COL23A1: variants seen among roughly 807,000 people sequenced by gnomAD.
COL23A1 encodes the protein collagen type XXIII alpha 1 chain, also known as collagen alpha-1(XXIII) chain.
In COL23A1, 97 loss-of-function variants were observed where a neutral mutation model predicts 99.3. That is an observed-to-expected ratio of 0.98 (90% confidence interval 0.83 to 1.16). The LOEUF is 1.16. Ranked by LOEUF, COL23A1 falls within the 50% of genes most tolerant of loss-of-function variation. The pLI is 0.00. For synonymous variants in COL23A1, 320 were observed against 308.2 expected, an observed-to-expected ratio of 1.04 and a Z score of -0.40; for missense variants, 762 against 757.4, an observed-to-expected ratio of 1.01 and a Z score of -0.07.
chr5:178,385,115 T>A (rs1272607179), intron 2 of COL23A1, among the ~76,000 whole-genome samples: 1 of 152,116 alleles, frequency 6.6e-6, no homozygotes, highest in Non-Finnish European at 1.5e-5. Context: ...GGTGGGGTTA[T>A]CACCCACAGC....
At chr5:178,523,478 GCACAAGTTCTGAGCAATCTA>G (rs1760134933) in intron 2 of COL23A1, 1 of 148,812 alleles carries the variant, frequency 6.7e-6, no homozygotes, top group African/African-American at 2.5e-5. Context: ...TCTATGATGT[GCACAAGTTCTGAGCAATCTA>G]CACGGCCTGG....
intron 2 of COL23A1, among the ~76,000 whole-genome samples, chr5:178,501,921 C>T (rs1353887761): frequency 2.0e-5 from 3 of 152,220 alleles, no homozygotes; most frequent in Non-Finnish European, 4.4e-5. Flanking sequence ...GCGGCACCCA[C>T]CCTTCCCCTA....
At chr5:178,289,150 G>T (rs1458885047) in intron 4 of COL23A1, among the ~76,000 whole-genome samples, 1 of 151,942 alleles carries the variant, frequency 6.6e-6, no homozygotes, top group African/African-American at 2.4e-5. Context: ...TGCATGCACC[G>T]AGAAGCCCAG....
chr5:178,474,196 T>C (rs1351218702), intron 2 of COL23A1, among the ~76,000 whole-genome samples: 1 of 152,228 alleles, frequency 6.6e-6, no homozygotes, highest in African/African-American at 2.4e-5. Flanking sequence ...TCCTTGGCTT[T>C]CATCAGACTC....
At chr5:178,464,111 G>A (rs552797453) in intron 2 of COL23A1, among the ~76,000 whole-genome samples, 97 of 152,266 alleles carry the variant, frequency 6.4e-4, no homozygotes, top group African/African-American at 2.1e-3. Flanking sequence ...ACAGCTCAGC[G>A]GCATTAAGTG....
At chr5:178,269,057 CG>C (rs1756073868) in intron 6 of COL23A1, among the ~76,000 whole-genome samples, 1 of 152,138 alleles carries the variant, frequency 6.6e-6, no homozygotes, top group Admixed American at 6.5e-5. Context: ...AGAGCACACA[CG>C]GTCAGTTCCC....
chr5:178,489,524 C>A (rs1369252349), intron 2 of COL23A1, among the ~76,000 whole-genome samples: 5 of 152,056 alleles, frequency 3.3e-5, no homozygotes, highest in Non-Finnish European at 7.4e-5. Context: ...CACATGTATC[C>A]TGTTGGCTCA....
At chr5:178,501,712 C>A (rs945957672) in intron 2 of COL23A1, among the ~76,000 whole-genome samples, 3 of 152,244 alleles carry the variant, frequency 2.0e-5, no homozygotes, top group Admixed American at 6.5e-5. Flanking sequence ...TACGCCAACA[C>A]CCCTGCTGGG....
chr5:178,327,635 G>A (rs957021957), intron 2 of COL23A1, among the ~76,000 whole-genome samples: 3 of 152,158 alleles, frequency 2.0e-5, no homozygotes, highest in Admixed American at 2.0e-4. Flanking sequence ...GACTGGAGGG[G>A]TGAGGCGCAG....
At chr5:178,535,357 T>C (rs1010515345) in intron 2 of COL23A1, among the ~76,000 whole-genome samples, 1 of 152,236 alleles carries the variant, frequency 6.6e-6, no homozygotes, top group Non-Finnish European at 1.5e-5. Context: ...TCCAACAGGC[T>C]GCCAAGCCTC....
At chr5:178,372,358 T>C (rs1308392700) in intron 2 of COL23A1, among the ~76,000 whole-genome samples, 2 of 152,206 alleles carry the variant, frequency 1.3e-5, no homozygotes, top group Non-Finnish European at 2.9e-5. Flanking sequence ...TCCGAGGGCG[T>C]AGTTGCTGAC....
At chr5:178,432,981 G>T (rs1766346413) in intron 2 of COL23A1, among the ~76,000 whole-genome samples, 1 of 152,110 alleles carries the variant, frequency 6.6e-6, no homozygotes, top group Admixed American at 6.5e-5. Flanking sequence ...CTGGACTGCT[G>T]AGACCATGGT....
At chr5:178,296,961 A>C (rs1581102512) in intron 3 of COL23A1, among the ~76,000 whole-genome samples, 1 of 152,202 alleles carries the variant, frequency 6.6e-6, no homozygotes, top group Non-Finnish European at 1.5e-5. Context: ...GGGCGTTTAC[A>C]AAATGCCCAA....
intron 2 of COL23A1, among the ~76,000 whole-genome samples, chr5:178,315,254 G>A (rs1388886408): frequency 6.6e-6 from 1 of 152,132 alleles, no homozygotes; most frequent in Non-Finnish European, 1.5e-5. Flanking sequence ...CGTGTTCTCT[G>A]GAGCTCCAAG....
intron 1 of COL23A1, among the ~76,000 whole-genome samples, chr5:178,586,974 T>C (rs1309288609): frequency 2.6e-5 from 4 of 152,198 alleles, no homozygotes; most frequent in African/African-American, 7.2e-5. Flanking sequence ...GTCTGGACAA[T>C]GGAAGGCCAA....
chr5:178,519,544 T>C (rs867762637), intron 2 of COL23A1, among the ~76,000 whole-genome samples: 1 of 152,336 alleles, frequency 6.6e-6, no homozygotes, highest in South Asian at 2.1e-4. Flanking sequence ...TCCCAGTTTT[T>C]CCAAGAGAAG....
intron 1 of COL23A1, among the ~76,000 whole-genome samples, chr5:178,580,281 T>G (rs1412845172): frequency 4.0e-5 from 6 of 150,772 alleles, no homozygotes; most frequent in Non-Finnish European, 5.9e-5. Context: ...TGAGCCGAGA[T>G]CGTGCCATTG....
chr5:178,401,747 C>A (rs955184687), intron 2 of COL23A1, among the ~76,000 whole-genome samples: 2 of 152,200 alleles, frequency 1.3e-5, no homozygotes, highest in Admixed American at 6.5e-5. Flanking sequence ...CATTTGACAT[C>A]CCCCTAGCAG....
In COL23A1 at chr5:178,590,069, G is replaced by A; in HGVS notation, c.129C>T (p.Leu43=). ...GGCAGGCAGCCGCCGAGCCCACGGA[G>A]AGCAGCAGGCACAGCGCGCTCACCG... ...SRAVSALCLL[L]SVGSAAACLL... Residue 43 remains leucine, a synonymous_variant, in exon 1 of 29, where the codon CTC becomes CTT. Transcript: ENST00000390654. The surrounding 1 kb of genome is among the most constrained non-coding windows in gnomAD (Gnocchi z 5.7). The A allele has an allele frequency of 7.5e-7, 1 of 1,339,612 alleles. No individual in the cohort carries two copies. The highest frequency in any genetic ancestry group is 1.8e-5 in the South Asian group (1 of 56,486). 83.0% of individuals were successfully genotyped at this position (1,339,612 alleles called of 1,614,324 possible).
Sources: allele counts gnomAD v4.1 joint callset (sites outside exome capture counted in the v4.1 genomes callset), GRCh38; gene constraint gnomAD v4.1.1; non-coding constraint Gnocchi (gnomAD v3.1); transcripts MANE v1.5; gene names NCBI Gene and HGNC (gene_info 2026-07-23, HGNC 2026-07-21).